The following WDPCP variants were observed in gnomAD, a reference collection of about 807,000 sequenced individuals.
WDPCP encodes the protein WD repeat-containing and planar cell polarity effector protein fritz homolog.
In WDPCP, 71 loss-of-function variants were observed where a neutral mutation model predicts 93.1. The ratio of observed to expected loss-of-function variants is 0.76; its 90% CI spans 0.63 to 0.93. The LOEUF is 0.93. WDPCP is among the 40% of genes least tolerant of loss of function. The pLI, the probability that WDPCP is intolerant of heterozygous loss-of-function variation, is 0.00. For synonymous variants in WDPCP, 315 were observed against 315.0 expected, an observed-to-expected ratio of 1.00 and a Z score of 0.00; for missense variants, 844 against 887.4, an observed-to-expected ratio of 0.95 and a Z score of 0.62.
intron 13 of WDPCP, among the ~76,000 whole-genome samples, chr2:63,264,020 A>G (rs1175450942): frequency 6.6e-6 from 1 of 152,182 alleles, no homozygotes. Flanking sequence ...CCTTTCTGGT[A>G]TCTAATTTTG....
At chr2:63,575,752 A>G (rs1708071783) in intron 1 of WDPCP, among the ~76,000 whole-genome samples, 1 of 151,356 alleles carries the variant, frequency 6.6e-6, no homozygotes, top group Admixed American at 6.6e-5. Context: ...TACAGCATTC[A>G]GCATATACAA....
chr2:63,728,370 G>A (rs1450527729), intron 2 of WDPCP, among the ~76,000 whole-genome samples: 1 of 152,136 alleles, frequency 6.6e-6, no homozygotes, highest in African/African-American at 2.4e-5. Context: ...AGAGAAGTGA[G>A]GAGCCTGGGC....
At chr2:63,209,847 T>C (rs2104398607) in intron 14 of WDPCP, among the ~76,000 whole-genome samples, 1 of 152,328 alleles carries the variant, frequency 6.6e-6, no homozygotes, top group South Asian at 2.1e-4. Context: ...AGTCAACGTA[T>C]ACTGACATAT....
chr2:63,561,698 G>C (rs368745051), intron 1 of WDPCP, among the ~76,000 whole-genome samples: 21 of 152,142 alleles, frequency 1.4e-4, no homozygotes, highest in Middle Eastern at 3.4e-3. Context: ...ACCCCACTAA[G>C]AAGTGGACAA....
rs192962517 is a variant in WDPCP at position 63,307,328 on chromosome 2, A to T, written c.1812+5920T>A. On this transcript the variant is annotated intron_variant, in intron 13 of 17. Coordinates refer to ENST00000272321, the MANE Select transcript of WDPCP (RefSeq NM_015910.7). ...CTATACTGCCCAAAATAATTTATAG[A>T]CTCAATGCTATCCCCATCAAGCTAC... Among the ~76,000 whole-genome samples, 9 of 152,264 alleles carry T rather than the reference A, an allele frequency of 5.9e-5. No individual in the cohort carries two copies. In the East Asian group the frequency reaches 1.5e-3, roughly 26 times the overall value.
intron 14 of WDPCP, among the ~76,000 whole-genome samples, chr2:63,208,002 T>A (rs576822212): frequency 6.6e-6 from 1 of 152,314 alleles, no homozygotes; most frequent in African/African-American, 2.4e-5. Context: ...GTGATCCTTC[T>A]AAGTTAATGT....
intron 2 of WDPCP, among the ~76,000 whole-genome samples, chr2:63,811,057 G>GT (rs1181702336): frequency 6.6e-6 from 1 of 152,126 alleles, no homozygotes; most frequent in Non-Finnish European, 1.5e-5. Context: ...TTGAGTGGTT[G>GT]TTTTTTTGGT....
chr2:63,512,821 C>T (rs966791125), intron 1 of WDPCP, among the ~76,000 whole-genome samples: 4 of 151,746 alleles, frequency 2.6e-5, no homozygotes, highest in African/African-American at 9.7e-5. Flanking sequence ...CAGCAAACCA[C>T]CATGGCACAT....
chr2:63,458,719 G>A (rs1257682661), intron 6 of WDPCP, among the ~76,000 whole-genome samples: 1 of 151,958 alleles, frequency 6.6e-6, no homozygotes, highest in African/African-American at 2.4e-5. Context: ...CACAGACATA[G>A]AAAAAATAAT....
At chr2:63,599,081 A>AC in intron 3 of WDPCP, 1 of 1,355,572 alleles carries the variant, frequency 7.4e-7, no homozygotes, top group Non-Finnish European at 1.0e-6. Flanking sequence ...TACAAAGGCT[A>AC]CCTGTTAGAC....
chr2:63,619,123 ATCT>A (rs1299909890), intron 3 of WDPCP, among the ~76,000 whole-genome samples: 1 of 152,344 alleles, frequency 6.6e-6, no homozygotes, highest in South Asian at 2.1e-4. Flanking sequence ...TTATTCTGTC[ATCT>A]TCTTTGTTTC....
chr2:63,818,599 G>A (rs570879896), intron 1 of WDPCP, among the ~76,000 whole-genome samples: 7 of 152,268 alleles, frequency 4.6e-5, no homozygotes, highest in African/African-American at 1.7e-4. Context: ...CCCACTGAAT[G>A]CATCACTACT....
intron 2 of WDPCP, among the ~76,000 whole-genome samples, chr2:63,780,087 G>C (rs752088647): frequency 1.3e-5 from 2 of 151,924 alleles, no homozygotes; most frequent in Non-Finnish European, 2.9e-5. Flanking sequence ...ACCCCCTCAC[G>C]GCTGTTTTGT....
chr2:63,540,353 C>T (rs947665947), intron 1 of WDPCP, among the ~76,000 whole-genome samples: 3 of 152,088 alleles, frequency 2.0e-5, no homozygotes, highest in African/African-American at 7.2e-5. Context: ...TTACACAAAA[C>T]GTTCACCTTC....
intron 13 of WDPCP, among the ~76,000 whole-genome samples, chr2:63,268,467 C>A (rs901831061): frequency 1.3e-5 from 2 of 151,806 alleles, no homozygotes; most frequent in Non-Finnish European, 2.9e-5. Flanking sequence ...TATTTTTTAT[C>A]TTTTTATTTT....
intron 3 of WDPCP, among the ~76,000 whole-genome samples, chr2:63,639,395 C>T (rs1709957171): frequency 6.6e-6 from 1 of 152,174 alleles, no homozygotes; most frequent in African/African-American, 2.4e-5. Context: ...ACTCTCCTGC[C>T]TCAGCCTCCC....
intron 1 of WDPCP, among the ~76,000 whole-genome samples, chr2:63,586,166 A>G (rs1708834276): frequency 6.6e-6 from 1 of 152,130 alleles, no homozygotes; most frequent in South Asian, 2.1e-4. Context: ...AAAGCATAAG[A>G]TCTTGTGAGT....
intron 12 of WDPCP, among the ~76,000 whole-genome samples, chr2:63,358,946 G>A (rs1333097341): frequency 6.6e-6 from 1 of 151,980 alleles, no homozygotes; most frequent in Admixed American, 6.6e-5. Context: ...TTGTTCCTAG[G>A]TTATACTTAG....
chr2:63,597,034 A>G (rs1178957114), intron 3 of WDPCP, among the ~76,000 whole-genome samples: 2 of 152,228 alleles, frequency 1.3e-5, no homozygotes, highest in African/African-American at 4.8e-5. Flanking sequence ...AAGTAATTGT[A>G]ATTTAAAGGT....
Sources: gnomAD v4.1 joint callset for allele counts (sites outside exome capture counted in the v4.1 genomes callset) on GRCh38, gnomAD v4.1.1 for gene constraint, MANE v1.5 for transcripts, NCBI Gene and HGNC (gene_info 2026-07-23, HGNC 2026-07-21) for gene names.